APOBR: variants seen among roughly 807,000 people sequenced by gnomAD.
The protein encoded by APOBR is apoB-48R.
In APOBR, 57 loss-of-function variants were observed where a neutral mutation model predicts 88.5. The ratio of observed to expected loss-of-function variants is 0.64; its 90% CI spans 0.52 to 0.80. The LOEUF (loss-of-function observed/expected upper bound fraction) is 0.80, where lower values mean the gene tolerates loss of function less well. APOBR is among the 30% of genes least tolerant of loss of function. The pLI is 0.00. For synonymous variants in APOBR, 588 were observed against 572.7 expected (o/e 1.03, Z -0.38); for missense variants, 1,443 against 1,401.6 (o/e 1.03, Z -0.47).
rs945206649 is a variant in APOBR, at chr16:28,498,845, G to A, written c.*340G>A. On this transcript the variant is annotated 3_prime_UTR_variant, in exon 4 of 4. Coordinates refer to ENST00000564831, the MANE Select transcript of APOBR (RefSeq NM_018690.4). ...CGCCTGTCACCCCAGAGCTTTGGGA[G>A]GCCAAGGTGGGAGGATCGCTTGAGA... The A allele has an allele frequency of 5.2e-6, 3 of 575,172 alleles. No homozygotes were observed. Among genetic ancestry groups the A allele is most frequent in the African/African-American group, 3.7e-5 (2 of 53,764 alleles). 35.6% of individuals were successfully genotyped at this position (575,172 alleles called of 1,614,324 possible). A position where few individuals can be genotyped will look rare whatever the true frequency, so the allele number is the denominator to read the frequency against.
chr16:28,495,804 A>G lies in APOBR; in HGVS notation c.763A>G (p.Lys255Glu), dbSNP rs2046386159. ...GKGEEVVVVEKACESTRAWGT... is the reference protein window; with the variant it reads ...GKGEEVVVVEEACESTRAWGT... ...AGGAGAAGAGGTGGTAGTGGTGGAG[A>G]AGGCCTGTGAAAGCACTAGGGCATG... is the stretch of plus-strand genomic sequence containing the variant. Residue 255 changes from lysine (K) to glutamate (E), a missense_variant, in exon 2 of 4, where the codon AAG (lysine) becomes GAG (glutamate). By Grantham distance (56) the Lys-to-Glu change is moderately conservative (BLOSUM62 1). Coordinates refer to ENST00000564831, the MANE Select transcript of APOBR (RefSeq NM_018690.4). 2 of 1,599,120 alleles carry G rather than the reference A, an allele frequency of 1.3e-6. No individual in the cohort carries two copies. Among genetic ancestry groups the G allele is most frequent in the Non-Finnish European group, 1.7e-6 (2 of 1,173,456 alleles).
rs761242606 is a variant in APOBR at position 28,495,128 on chromosome 16, C to A, written c.87C>A (p.Leu29=). The change falls in exon 2 of 4, where the codon CTC becomes CTA. Residue 29 remains leucine, a synonymous_variant. Coordinates refer to ENST00000564831, the MANE Select transcript of APOBR (RefSeq NM_018690.4). ...CCCTCGGCACCTTTGTCTCCTACCT[C>A]CTGGGAGATGCAGTCCCCACTGTAG... The part of the protein sequence containing the change: ...LDSLGTFVSY[L]LGDAVPTVER... 19 of 1,543,356 alleles carry A rather than the reference C, an allele frequency of 1.2e-5. No individual in the cohort carries two copies. Among genetic ancestry groups the A allele is most frequent in the Non-Finnish European group, 1.7e-5 (19 of 1,148,988 alleles).
At position 28,495,974 on chromosome 16, in the gene APOBR, GAC is replaced by G. The variant is rs1196003883; in HGVS notation, c.935_936del (p.Thr312SerfsTer8). 1.3e-5 allele frequency: 21 copies of G among 1,603,826 alleles called. No individual in the cohort carries two copies. The highest frequency in any genetic ancestry group is 1.7e-5 in the Non-Finnish European group (20 of 1,179,284). On this transcript the variant is annotated frameshift_variant, in exon 2 of 4. Coordinates refer to ENST00000564831, the MANE Select transcript of APOBR (RefSeq NM_018690.4). LOFTEE classifies it high-confidence loss of function. ...RTISGGEEAE[T>X]ASGGEEAETA... The stretch of plus-strand genomic sequence containing the variant: ...CAATCTCAGGCGGGGAGGAGGCTGA[GAC>G]AGCCTCAGGCGGGGAGGAGGCTGAA...
At chr16:28,494,806 C>T (rs1349815221) in intron 1 of APOBR, 68 bp downstream of exon 1, 5 of 1,462,018 alleles carry the variant, frequency 3.4e-6, no homozygotes, top group Middle Eastern at 1.8e-4. Context: ...CGGGCACCTC[C>T]CCTGGGGCCT....
chr16:28,495,015 C>G, intron 1 of APOBR, 84 bp from the exon 2 acceptor site: 1 of 1,318,170 alleles, frequency 7.6e-7, no homozygotes, highest in Non-Finnish European at 1.0e-6. Context: ...TCTTCCTTAA[C>G]CTGGGCTCCT....
chr16:28,495,164 G>A lies in APOBR; in HGVS notation c.123G>A (p.Ala41=), dbSNP rs371901468. ...CAGTCCCCACTGTAGAGCGGGAGGC[G>A]CAGGCGGCTGAGGAACTGGGGGTGG... ...GDAVPTVERE[A]QAAEELGVVA... Residue 41 remains alanine (A), a synonymous_variant, in exon 2 of 4, where the codon GCG becomes GCA. Transcript: ENST00000564831. The A allele has an allele frequency of 6.8e-5, 106 of 1,568,444 alleles. No individual in the cohort carries two copies. Among genetic ancestry groups the A allele is most frequent in the Non-Finnish European group, 8.3e-5 (96 of 1,159,524 alleles).
chr16:28,495,860 G>C lies in APOBR; in HGVS notation c.819G>C (p.Glu273Asp). The C allele has an allele frequency of 1.9e-6, 3 of 1,610,520 alleles. No individual in the cohort carries two copies. The highest frequency in any genetic ancestry group is 2.5e-6 in the Non-Finnish European group (3 of 1,178,518). Reference protein sequence around the residue: ...WGTWGPGAEPEDWGILGREEA... With the variant: ...WGTWGPGAEPDDWGILGREEA... Reference sequence around the variant, plus strand: ...CGTGGGGCCCAGGGGCAGAGCCTGAGGACTGGGGAATCTTAGGCAGAGAGG... The same window carrying C: ...CGTGGGGCCCAGGGGCAGAGCCTGACGACTGGGGAATCTTAGGCAGAGAGG... Residue 273 changes from glutamate to aspartate, a missense_variant, in exon 2 of 4, where the codon GAG becomes GAC. Coordinates refer to ENST00000564831, the MANE Select transcript of APOBR (RefSeq NM_018690.4).
chr16:28,497,336 G>T lies in APOBR; in HGVS notation c.2295G>T (p.Met765Ile), dbSNP rs745540369. The T allele has an allele frequency of 3.7e-6, 6 of 1,605,930 alleles. No homozygotes were observed. The African/African-American group carries it at 4.0e-5, about 11-fold the overall frequency. ...AQTGSVAAGI[M>I]GGDVVPHISA... ...CTGGCTCTGTGGCTGCTGGGATTAT[G>T]GGGGGTGATGTGGTCCCACACATCA... The change falls in exon 2 of 4, where the codon ATG becomes ATT. Residue 765 changes from methionine to isoleucine, a missense_variant. Physicochemically the swap from Met to Ile is conservative, Grantham distance 10 (BLOSUM62 1). Coordinates refer to ENST00000564831, the MANE Select transcript of APOBR (RefSeq NM_018690.4).
In APOBR at chr16:28,497,462, A is replaced by G. The variant is rs1321366231; in HGVS notation, c.2421A>G (p.Gln807=). 1 of 1,613,824 alleles carries G rather than the reference A, an allele frequency of 6.2e-7. No homozygotes were observed. Among genetic ancestry groups the G allele is most frequent in the Non-Finnish European group, 8.5e-7 (1 of 1,179,876 alleles). The part of the protein sequence containing the change: ...EAAAGEHAGG[Q]EFGLEGSAEE... ...CAGCAGGAGAGCATGCAGGTGGGCA[A>G]GAATTTGGTCTGGAGGGCTCAGCAG... Residue 807 remains glutamine, a synonymous_variant, in exon 2 of 4, where the codon CAA becomes CAG. Transcript: ENST00000564831.
chr16:28,498,305 T>C lies in APOBR; in HGVS notation c.3180T>C (p.His1060=). Reference sequence around the variant, plus strand: ...CCCTGGAGCCAAGCCCTCTGAGGCATGATGGGACCCCGGTGCCAGCCAGGA... The same window carrying C: ...CCCTGGAGCCAAGCCCTCTGAGGCACGATGGGACCCCGGTGCCAGCCAGGA... ...EEPLEPSPLR[H]DGTPVPARRR... is the part of the protein sequence containing the mutation. The change falls in exon 3 of 4, where the codon CAT becomes CAC. Residue 1060 remains histidine, a synonymous_variant. Coordinates refer to ENST00000564831, the MANE Select transcript of APOBR (RefSeq NM_018690.4). The C allele has an allele frequency of 6.2e-7, 1 of 1,601,906 alleles. No individual in the cohort carries two copies. The highest frequency in any genetic ancestry group is 1.3e-5 in the African/African-American group (1 of 74,718).
Position 28,498,737 on chromosome 16 carries a change from C to T in APOBR, c.*232C>T. The T allele has an allele frequency of 1.7e-6, 1 of 599,158 alleles. No individual in the cohort carries two copies. The highest frequency in any genetic ancestry group is 3.0e-5 in the Admixed American group (1 of 33,598). 37.1% of individuals were successfully genotyped at this position (599,158 alleles called of 1,614,324 possible). A position where few individuals can be genotyped will look rare whatever the true frequency, so the allele number is the denominator to read the frequency against. On this transcript the variant is annotated 3_prime_UTR_variant, in exon 4 of 4. Coordinates refer to ENST00000564831, the MANE Select transcript of APOBR (RefSeq NM_018690.4). ...TGGTGGACCACCTACCCCACTGAGA[C>T]CACCTCTCAGGGTGCCTGCCCTGGT...
chr16:28,495,623 A>G lies in APOBR; in HGVS notation c.582A>G (p.Arg194=). The part of the protein sequence containing the change: ...EVRAREPGMA[R]GAESEWTWHG... ...GGGCAAGAGAGCCAGGGATGGCCAG[A>G]GGGGCGGAGTCAGAGTGGACCTGGC... is the stretch of plus-strand genomic sequence containing the variant. Residue 194 remains arginine, a synonymous_variant, in exon 2 of 4, where the codon AGA becomes AGG. Coordinates refer to ENST00000564831, the MANE Select transcript of APOBR (RefSeq NM_018690.4). 1.3e-6 allele frequency: 2 copies of G among 1,558,076 alleles called. No individual in the cohort carries two copies. Among genetic ancestry groups the G allele is most frequent in the Non-Finnish European group, 1.7e-6 (2 of 1,150,812 alleles).
Position 28,498,731 on chromosome 16 carries a change from C to G in APOBR, c.*226C>G. On this transcript the variant is annotated 3_prime_UTR_variant, in exon 4 of 4. Coordinates refer to ENST00000564831, the MANE Select transcript of APOBR (RefSeq NM_018690.4). The stretch of plus-strand genomic sequence containing the variant: ...ACAGGCTGGTGGACCACCTACCCCA[C>G]TGAGACCACCTCTCAGGGTGCCTGC... 1 of 601,070 alleles carries G rather than the reference C, an allele frequency of 1.7e-6. No homozygotes were observed. 37.2% of individuals were successfully genotyped at this position (601,070 alleles called of 1,614,324 possible).
chr16:28,494,889 T>C, intron 1 of APOBR, 151 bp downstream of exon 1: 1 of 886,044 alleles, frequency 1.1e-6, no homozygotes. Context: ...ACTCCTGGCC[T>C]AATATTTTCT....
chr16:28,496,509 C>T lies in APOBR; in HGVS notation c.1468C>T (p.Gln490Ter). Residue 490 changes from glutamine to a stop codon, truncating the protein, a stop_gained, in exon 2 of 4, where the codon CAG becomes TAG. Coordinates refer to ENST00000564831, the MANE Select transcript of APOBR (RefSeq NM_018690.4). LOFTEE classifies it high-confidence loss of function. ...ADRARMEELV[Q>*]AEEAQEERGS... ...CCGGGCCAGGATGGAAGAGCTGGTA[C>T]AGGCAGAGGAGGCCCAGGAGGAGAG... 1 of 1,586,772 alleles carries T rather than the reference C, an allele frequency of 6.3e-7. No homozygotes were observed. The highest frequency in any genetic ancestry group is 1.2e-5 in the South Asian group (1 of 86,920).
chr16:28,498,019 CGGG>C, intron 2 of APOBR, 23 bp downstream of exon 2: 2 of 1,560,048 alleles, frequency 1.3e-6, no homozygotes, highest in Non-Finnish European at 1.7e-6. Context: ...GGTGGGGTCT[CGGG>C]GGGAACGAGT....
In APOBR at chr16:28,495,236, G is replaced by A; in HGVS notation, c.195G>A (p.Glu65=). The change falls in exon 2 of 4, where the codon GAG becomes GAA. Residue 65 remains glutamate, a synonymous_variant. Coordinates refer to ENST00000564831, the MANE Select transcript of APOBR (RefSeq NM_018690.4). The part of the protein sequence containing the change: ...TGKIVEEEAQ[E]DLEGLRGSQN... ...AGATTGTAGAGGAGGAAGCCCAGGA[G>A]GACCTGGAGGGCCTTAGAGGCAGCC... The A allele has an allele frequency of 6.5e-7, 1 of 1,542,304 alleles. No individual in the cohort carries two copies.
chr16:28,495,958 G>T lies in APOBR; in HGVS notation c.917G>T (p.Gly306Val). The T allele has an allele frequency of 6.2e-7, 1 of 1,609,308 alleles. No homozygotes were observed. The highest frequency in any genetic ancestry group is 8.5e-7 in the Non-Finnish European group (1 of 1,179,000). The part of the protein sequence containing the change: ...LDGEEARTIS[G>V]GEEAETASGG... ...GGGGAGGAAGCCAGGACAATCTCAG[G>T]CGGGGAGGAGGCTGAGACAGCCTCA... Residue 306 changes from glycine to valine, a missense_variant, in exon 2 of 4, where the codon GGC (glycine) becomes GTC (valine). By Grantham distance (109) the Gly-to-Val change is moderately radical. Coordinates refer to ENST00000564831, the MANE Select transcript of APOBR (RefSeq NM_018690.4).
Position 28,497,033 on chromosome 16 carries a change from A to G in APOBR, c.1992A>G (p.Gly664=). The G allele has an allele frequency of 6.3e-7, 1 of 1,583,912 alleles. No homozygotes were observed. Among genetic ancestry groups the G allele is most frequent in the Non-Finnish European group, 8.6e-7 (1 of 1,165,704 alleles). The change falls in exon 2 of 4, where the codon GGA becomes GGG. Residue 664 remains glycine, a synonymous_variant. Coordinates refer to ENST00000564831, the MANE Select transcript of APOBR (RefSeq NM_018690.4). ...GGQTLAAEAE[G]DRESELSEVP... is the part of the protein sequence containing the mutation. ...AGACCCTGGCGGCTGAGGCTGAAGG[A>G]GACCGAGAGTCTGAACTATCAGAAG...
Sources: gnomAD v4.1 joint callset for allele counts on GRCh38, gnomAD v4.1.1 for gene constraint, MANE v1.5 for transcripts, NCBI Gene and HGNC (gene_info 2026-07-23, HGNC 2026-07-21) for gene names.